MCF2L: variants seen among roughly 807,000 people sequenced by gnomAD.
MCF2L encodes MCF.2 cell line derived transforming sequence like, also known as guanine nucleotide exchange factor DBS.
Under a neutral mutation model 153.4 loss-of-function variants are expected in MCF2L, and 97 were observed. That is an observed-to-expected ratio of 0.63 (90% CI 0.54 to 0.75). The LOEUF is 0.75. MCF2L is among the 30% of genes least tolerant of loss of function. The pLI, the probability that MCF2L is intolerant of heterozygous loss-of-function variation, is 0.00. For synonymous variants in MCF2L, 659 were observed against 632.2 expected (o/e 1.04, Z -0.64); for missense variants, 1,347 against 1,495.2 (o/e 0.90, Z 1.64).
intron 2 of MCF2L, among the ~76,000 whole-genome samples, chr13:112,927,372 G>T (rs1188091205): frequency 2.6e-5 from 4 of 152,132 alleles, no homozygotes; most frequent in African/African-American, 9.7e-5. Flanking sequence ...AAAATACATG[G>T]TTTCTAGACC....
At chr13:113,069,834 G>C (rs1371405972) in intron 8 of MCF2L, among the ~76,000 whole-genome samples, 1 of 152,224 alleles carries the variant, frequency 6.6e-6, no homozygotes, top group African/African-American at 2.4e-5. Flanking sequence ...AGGAAGGAAA[G>C]GACACAGCCC....
At chr13:112,910,207 A>C (rs576002459) in intron 2 of MCF2L, 1 of 152,372 alleles carries the variant, frequency 6.6e-6, no homozygotes, top group African/African-American at 2.4e-5. Context: ...TTTTATGGCC[A>C]AAAATTCCAA....
At chr13:112,987,787 G>A (rs3011537) in intron 1 of MCF2L, among the ~76,000 whole-genome samples, 135,597 of 152,274 alleles carry the variant, frequency 0.89, 61,191 homozygotes, top group Non-Finnish European at 0.98. Flanking sequence ...TGGCAGGGGT[G>A]TGGGAAGTAC....
rs888929950 is a variant in MCF2L at position 113,031,643 on chromosome 13, A to G, written c.278+6885A>G. ...GAGGGCGGCGGCCCTCAGAGAAGGG[A>G]CGAGGTGGGAAGCCTGGAGCTTGCT... is the stretch of plus-strand genomic sequence containing the variant. On this transcript the variant is annotated intron_variant, in intron 3 of 29. Coordinates refer to ENST00000535094, the MANE Select transcript of MCF2L (RefSeq NM_001112732.3). This position sits in a 1 kb window ranked among gnomAD's most constrained non-coding sequence, Gnocchi z 5.5. Among the ~76,000 whole-genome samples the G allele has an allele frequency of 9.9e-5, 15 of 151,976 alleles. No individual in the cohort carries two copies. The highest frequency in any genetic ancestry group is 2.1e-4 in the Non-Finnish European group (14 of 67,976).
At chr13:113,062,539 G>A (rs2031686571) in intron 5 of MCF2L, among the ~76,000 whole-genome samples, 1 of 152,076 alleles carries the variant, frequency 6.6e-6, no homozygotes, top group Non-Finnish European at 1.5e-5. Context: ...CCATGCCACA[G>A]GCTCCCCTGC....
intron 3 of MCF2L, among the ~76,000 whole-genome samples, chr13:113,034,749 G>A (rs1444219187): frequency 6.6e-6 from 1 of 152,224 alleles, no homozygotes; most frequent in Non-Finnish European, 1.5e-5. Flanking sequence ...AGAAAGACAA[G>A]GCCCGGGGTT....
chr13:112,903,835 GAGCGAGGAGAC>G (rs1471574798), intron 2 of MCF2L, among the ~76,000 whole-genome samples: 1 of 152,182 alleles, frequency 6.6e-6, no homozygotes, highest in African/African-American at 2.4e-5. Flanking sequence ...GAAACCCTGT[GAGCGAGGAGAC>G]AGCTACTTCC....
Position 113,096,804 on chromosome 13 carries a change from A to T in MCF2L, c.3323A>T (p.Asn1108Ile). ...ESSPGSAVLS[N>I]SSSCSEGGQA... Reference sequence around the variant, plus strand: ...AGCCCGGGGTCGGCCGTGCTGAGCAACTCGTCCAGCTGCAGCGAGGGCGGC... The same window carrying T: ...AGCCCGGGGTCGGCCGTGCTGAGCATCTCGTCCAGCTGCAGCGAGGGCGGC... Residue 1108 changes from asparagine (N) to isoleucine (I), a missense_variant, in exon 30 of 30, where the codon AAC (asparagine) becomes ATC (isoleucine). By Grantham distance (149) the Asn-to-Ile change is moderately radical (BLOSUM62 -3). Around this residue, in one of 3 missense-constraint regions of MCF2L, gnomAD observed 383 missense variants for 335.4 expected, o/e 1.14. Coordinates refer to ENST00000535094, the MANE Select transcript of MCF2L (RefSeq NM_001112732.3). The T allele has an allele frequency of 6.4e-7, 1 of 1,554,710 alleles. No homozygotes were observed. Among genetic ancestry groups the T allele is most frequent in the Non-Finnish European group, 8.6e-7 (1 of 1,160,696 alleles).
intron 1 of MCF2L, among the ~76,000 whole-genome samples, chr13:112,978,946 C>T (rs1055993641): frequency 6.6e-6 from 1 of 152,216 alleles, no homozygotes; most frequent in Non-Finnish European, 1.5e-5. Context: ...CACGTCACCT[C>T]GGGGGCCATT....
intron 17 of MCF2L, among the ~76,000 whole-genome samples, chr13:113,083,385 C>A (rs953212172): frequency 6.6e-6 from 1 of 152,216 alleles, no homozygotes; most frequent in Non-Finnish European, 1.5e-5. Context: ...CACCAAGGAG[C>A]CTTCCACGTC....
upstream of MCF2L, chr13:112,969,123 G>A: frequency 3.8e-6 from 1 of 263,424 alleles, no homozygotes; most frequent in Non-Finnish European, 6.7e-6. The surrounding 1 kb of genome is among the most constrained non-coding windows in gnomAD (Gnocchi z 4.8). Context: ...ACCCGCGGTG[G>A]TGACACACCG....
intron 1 of MCF2L, among the ~76,000 whole-genome samples, chr13:112,895,411 A>T (rs1305698679): frequency 6.6e-6 from 1 of 152,134 alleles, no homozygotes; most frequent in African/African-American, 2.4e-5. Flanking sequence ...ATAGAAATGC[A>T]GTCCCCAGGG....
chr13:113,060,571 T>C (rs775377740), intron 4 of MCF2L, 22 bp from the exon 5 acceptor site: 1 of 1,611,104 alleles, frequency 6.2e-7, no homozygotes, highest in Admixed American at 1.7e-5. Flanking sequence ...TGCAGGCCCT[T>C]GTCTCTCGCC....
chr13:112,901,578 C>G (rs533896462), intron 1 of MCF2L, among the ~76,000 whole-genome samples: 57 of 152,344 alleles, frequency 3.7e-4, no homozygotes, highest in Non-Finnish European at 6.9e-4. Flanking sequence ...CCACAGGTCA[C>G]CGCCTGGGAG....
intron 1 of MCF2L, among the ~76,000 whole-genome samples, chr13:112,977,601 C>T (rs749887105): frequency 6.6e-6 from 1 of 152,200 alleles, no homozygotes. Flanking sequence ...AACGTCTGTG[C>T]ACATCCAATC....
chr13:112,940,655 T>C (rs1440835683), intron 2 of MCF2L, among the ~76,000 whole-genome samples: 2 of 152,256 alleles, frequency 1.3e-5, no homozygotes, highest in Non-Finnish European at 2.9e-5. Flanking sequence ...TTCAATCAGT[T>C]TTTGCAGTTA....
chr13:113,023,439 G>C (rs2085029692), intron 2 of MCF2L, among the ~76,000 whole-genome samples: 1 of 152,152 alleles, frequency 6.6e-6, no homozygotes, highest in Non-Finnish European at 1.5e-5. Flanking sequence ...GCTGGGCTTG[G>C]CCAAGACCCA....
intron 1 of MCF2L, among the ~76,000 whole-genome samples, chr13:112,991,103 G>C (rs148673815): frequency 6.6e-6 from 1 of 152,208 alleles, no homozygotes; most frequent in Non-Finnish European, 1.5e-5. Flanking sequence ...AGGAGGGGAC[G>C]GGACAGGAGC....
Position 112,904,726 on chromosome 13 carries a change from G to A in MCF2L, c.169+2355G>A, listed in dbSNP as rs1283241710. Among the ~76,000 whole-genome samples the A allele has an allele frequency of 6.6e-6, 1 of 152,244 alleles. No individual in the cohort carries two copies. The highest frequency in any genetic ancestry group is 1.5e-5 in the Non-Finnish European group (1 of 68,044). On this transcript the variant is annotated intron_variant, in intron 2 of 29. Coordinates refer to the MCF2L transcript ENST00000375608. The surrounding 1 kb of genome is among the most constrained non-coding windows in gnomAD (Gnocchi z 4.2). ...TTGCCTCGTCTGCTCTGTGGAAAGA[G>A]AAGCGCACGGCGTGGACTGCGGCCT...
Sources: allele counts gnomAD v4.1 joint callset (sites outside exome capture counted in the v4.1 genomes callset), GRCh38; gene constraint gnomAD v4.1.1; regional missense constraint gnomAD v4.1.1; non-coding constraint Gnocchi (gnomAD v3.1); transcripts MANE v1.5; gene names NCBI Gene and HGNC (gene_info 2026-07-23, HGNC 2026-07-21).